Variants in BNC2 observed in about 807,000 individuals in gnomAD.
BNC2 encodes the protein basonuclin zinc finger protein 2.
In BNC2, 20 loss-of-function variants were observed where a neutral mutation model predicts 76.3. That is an observed-to-expected ratio of 0.26 (90% CI 0.18 to 0.38). The LOEUF (loss-of-function observed/expected upper bound fraction) is 0.38. BNC2 is among the 10% of genes least tolerant of loss of function. The pLI is 1.00. For synonymous variants in BNC2, 582 were observed against 514.8 expected, an observed-to-expected ratio of 1.13 and a Z score of -1.77; for missense variants, 1,382 against 1,399.8, an observed-to-expected ratio of 0.99 and a Z score of 0.20.
At chr9:16,723,369 A>G (rs1395143221) in intron 3 of BNC2, among the ~76,000 whole-genome samples, 1 of 152,120 alleles carries the variant, frequency 6.6e-6, no homozygotes, top group Non-Finnish European at 1.5e-5. Context: ...AGTGGGACAG[A>G]GTTTAGAATA....
At chr9:16,645,487 T>G (rs550680481) in intron 3 of BNC2, among the ~76,000 whole-genome samples, 1 of 152,306 alleles carries the variant, frequency 6.6e-6, no homozygotes, top group East Asian at 1.9e-4. Context: ...TACCCAATAC[T>G]AAACACATGT....
chr9:16,641,728 A>G (rs1821497571), intron 3 of BNC2, among the ~76,000 whole-genome samples: 1 of 152,202 alleles, frequency 6.6e-6, no homozygotes, highest in Non-Finnish European at 1.5e-5. Flanking sequence ...GGGCATATGG[A>G]TTAAATGAAA....
At chr9:16,785,413 A>G (rs1537002) in intron 1 of BNC2, among the ~76,000 whole-genome samples, 139,300 of 152,078 alleles carry the variant, frequency 0.92, 63,801 homozygotes, top group East Asian at 0.99. Flanking sequence ...TTTTTTAGTT[A>G]AGACAGAGTT....
intron 6 of BNC2, among the ~76,000 whole-genome samples, chr9:16,431,641 C>G (rs1563779649): frequency 6.6e-6 from 1 of 152,194 alleles, no homozygotes; most frequent in Admixed American, 6.5e-5. Flanking sequence ...ACCTTGCTAT[C>G]AGGATATACT....
At chr9:16,800,563 T>G (rs533871910) in intron 1 of BNC2, among the ~76,000 whole-genome samples, 63 of 152,292 alleles carry the variant, frequency 4.1e-4, no homozygotes, top group African/African-American at 1.5e-3. Flanking sequence ...GGAACTCTTT[T>G]TTTTTTCTGG....
intron 3 of BNC2, among the ~76,000 whole-genome samples, chr9:16,685,301 C>A (rs1350217768): frequency 2.0e-5 from 3 of 152,178 alleles, no homozygotes; most frequent in Non-Finnish European, 4.4e-5. Flanking sequence ...AGGTAGTCAA[C>A]CTTCAGAGAC....
intron 1 of BNC2, among the ~76,000 whole-genome samples, chr9:16,773,058 G>C (rs1825871093): frequency 6.6e-6 from 1 of 152,290 alleles, no homozygotes; most frequent in East Asian, 1.9e-4. Flanking sequence ...TCTATAGTGA[G>C]TCCTTCAAAT....
chr9:16,743,608 C>T (rs768119038), intron 1 of BNC2, among the ~76,000 whole-genome samples: 11 of 152,144 alleles, frequency 7.2e-5, no homozygotes, highest in African/African-American at 1.2e-4. Context: ...CCAAAGCACC[C>T]GCAGGGCTGA....
At chr9:16,762,148 G>A (rs988945481) in intron 1 of BNC2, among the ~76,000 whole-genome samples, 1 of 152,156 alleles carries the variant, frequency 6.6e-6, no homozygotes, top group Non-Finnish European at 1.5e-5. Flanking sequence ...TCTGGAAGGT[G>A]AGCGTTGATC....
At chr9:16,835,666 C>A (rs1818690074) in intron 1 of BNC2, among the ~76,000 whole-genome samples, 1 of 152,222 alleles carries the variant, frequency 6.6e-6, no homozygotes, top group African/African-American at 2.4e-5. Context: ...AGCGCCACTG[C>A]ACTCCAGCCT....
At chr9:16,721,823 G>A (rs1321335884) in intron 3 of BNC2, among the ~76,000 whole-genome samples, 1 of 152,112 alleles carries the variant, frequency 6.6e-6, no homozygotes, top group African/African-American at 2.4e-5. Context: ...GGGGAAAAAG[G>A]AGTTAATTCC....
intron 5 of BNC2, among the ~76,000 whole-genome samples, chr9:16,525,761 A>G (rs1439005423): frequency 6.6e-6 from 1 of 152,180 alleles, no homozygotes; most frequent in Admixed American, 6.5e-5. Context: ...TAATGTGCTC[A>G]CTATATTCCC....
chr9:16,756,833 C>CA (rs974138400), intron 1 of BNC2, among the ~76,000 whole-genome samples: 40 of 151,744 alleles, frequency 2.6e-4, no homozygotes, highest in Middle Eastern at 3.4e-3. Context: ...ACTAAAAATA[C>CA]AAAAAAAATT....
chr9:16,422,768 G>A (rs542672275), intron 6 of BNC2, among the ~76,000 whole-genome samples: 2 of 152,284 alleles, frequency 1.3e-5, no homozygotes, highest in African/African-American at 4.8e-5. Context: ...CTACCCAAGA[G>A]GTTACGGTTC....
chr9:16,564,421 A>C (rs1224523980), intron 4 of BNC2, among the ~76,000 whole-genome samples: 1 of 152,160 alleles, frequency 6.6e-6, no homozygotes, highest in African/African-American at 2.4e-5. Context: ...ACAGCTACAA[A>C]ATGATTGGGA....
At chr9:16,463,080 G>T (rs1821619813) in intron 5 of BNC2, among the ~76,000 whole-genome samples, 1 of 152,062 alleles carries the variant, frequency 6.6e-6, no homozygotes, top group South Asian at 2.1e-4. Context: ...AAGCAATGTT[G>T]TTCTGAAAGG....
At chr9:16,428,554 AT>A (rs1820844948) in intron 6 of BNC2, among the ~76,000 whole-genome samples, 1 of 152,228 alleles carries the variant, frequency 6.6e-6, no homozygotes, top group Admixed American at 6.5e-5. Flanking sequence ...ACGTGGATGA[AT>A]TTAGATTAGA....
chr9:16,708,351 T>G (rs1444288547), intron 3 of BNC2, among the ~76,000 whole-genome samples: 2 of 152,238 alleles, frequency 1.3e-5, no homozygotes, highest in Non-Finnish European at 2.9e-5. Context: ...TCTCATGAAC[T>G]TCTATTAAAA....
intron 3 of BNC2, among the ~76,000 whole-genome samples, chr9:16,585,451 T>C (rs567207983): frequency 1.3e-5 from 2 of 152,332 alleles, no homozygotes; most frequent in East Asian, 3.9e-4. Context: ...GAATATCCAT[T>C]TTGTATATCT....
Sources: allele counts gnomAD v4.1 joint callset (sites outside exome capture counted in the v4.1 genomes callset), GRCh38; gene constraint gnomAD v4.1.1; transcripts MANE v1.5; gene names NCBI Gene and HGNC (gene_info 2026-07-23, HGNC 2026-07-21).